PHF3: variants seen among roughly 807,000 people sequenced by gnomAD.
PHF3 encodes PHD finger protein 3.
Under a neutral mutation model 178.4 loss-of-function variants are expected in PHF3, and 41 were observed. The observed-to-expected ratio is 0.23, with a 90% CI of 0.18 to 0.30. PHF3 has a LOEUF of 0.30. PHF3 is among the 10% of genes least tolerant of loss of function. PHF3 has a pLI of 1.00. For missense variants in PHF3, 2,346 were observed against 2,398.1 expected, an observed-to-expected ratio of 0.98 and a Z score of 0.45; for synonymous variants, 842 against 800.5, an observed-to-expected ratio of 1.05 and a Z score of -0.88.
chr6:63,666,058 C>T (rs1561950954), intron 2 of PHF3, among the ~76,000 whole-genome samples: 1 of 152,092 alleles, frequency 6.6e-6, no homozygotes, highest in Admixed American at 6.6e-5. Context: ...AGCAGTTAAT[C>T]ATAGATTGAT....
intron 1 of PHF3, among the ~76,000 whole-genome samples, chr6:63,645,081 G>T (rs543125364): frequency 1.3e-5 from 2 of 151,570 alleles, no homozygotes; most frequent in East Asian, 1.9e-4. Flanking sequence ...ACGGGGTTTC[G>T]CCTTGTTGCC....
At chr6:63,710,613 T>A (rs191998056) in intron 14 of PHF3, among the ~76,000 whole-genome samples, 69 of 152,334 alleles carry the variant, frequency 4.5e-4, no homozygotes, top group Admixed American at 2.0e-3. Flanking sequence ...GCCAAATTAC[T>A]TTACAAAATT....
Position 63,713,876 on chromosome 6 carries a change from G to A in PHF3, c.*168G>A. The A allele has an allele frequency of 5.4e-5, 26 of 484,438 alleles. No homozygotes were observed. The highest frequency in any genetic ancestry group is 2.5e-4 in the South Asian group (5 of 19,874). The allele number at this position is 484,438 out of a possible 1,614,324, so 30.0% of individuals were successfully genotyped here. Reference sequence around the variant, plus strand: ...TTGGTACAGAGTGCTCTGTACCAGTGCTCATCATCCCTTCTTCATACCAAC... The same window carrying A: ...TTGGTACAGAGTGCTCTGTACCAGTACTCATCATCCCTTCTTCATACCAAC... On this transcript the variant is annotated 3_prime_UTR_variant, in exon 16 of 16. Transcript: ENST00000262043.
Position 63,709,131 on chromosome 6 carries a change from T to C in PHF3, c.3712-20T>C, listed in dbSNP as rs764683988. The C allele has an allele frequency of 8.2e-5, 89 of 1,083,154 alleles. No individual in the cohort carries two copies. Among genetic ancestry groups the C allele is most frequent in the African/African-American group, 7.3e-4 (45 of 61,300 alleles). The allele number at this position is 1,083,154 out of a possible 1,614,324, so 67.1% of individuals were successfully genotyped here. On this transcript the variant is annotated intron_variant, in intron 13 of 15. Transcript: ENST00000262043. ...GATAATCTATATATATTGATCTCTT[T>C]TTTTTTTTTTTAACCATAGGACCTA... is the stretch of plus-strand genomic sequence containing the variant.
chr6:63,710,658 G>T (rs1247825394), intron 14 of PHF3, among the ~76,000 whole-genome samples: 2 of 152,096 alleles, frequency 1.3e-5, no homozygotes, highest in Admixed American at 1.3e-4. Context: ...TCTTCATCCA[G>T]CCCTTTTTAT....
At chr6:63,687,701 G>C (rs1038998126) in intron 4 of PHF3, among the ~76,000 whole-genome samples, 1 of 152,188 alleles carries the variant, frequency 6.6e-6, no homozygotes, top group Admixed American at 6.5e-5. Flanking sequence ...CCAGTCTTCA[G>C]GAGTTTGCCC....
chr6:63,680,821 C>G (rs1426885352), intron 3 of PHF3, among the ~76,000 whole-genome samples: 2 of 151,992 alleles, frequency 1.3e-5, no homozygotes, highest in South Asian at 2.1e-4. Context: ...CTTCTGATCC[C>G]CTCTTATGTA....
chr6:63,662,297 A>G (rs1322027704), intron 2 of PHF3, among the ~76,000 whole-genome samples: 1 of 152,198 alleles, frequency 6.6e-6, no homozygotes, highest in Non-Finnish European at 1.5e-5. Context: ...CCTTAAATAG[A>G]CAGGAGAAGC....
At position 63,712,317 on chromosome 6, in the gene PHF3, T is replaced by A; in HGVS notation, c.4729T>A (p.Ser1577Thr). 1 of 1,613,074 alleles carries A rather than the reference T, an allele frequency of 6.2e-7. No individual in the cohort carries two copies. Reference protein sequence around the residue: ...VSTEAFLTNLSIQSKQEETVE... With the variant: ...VSTEAFLTNLTIQSKQEETVE... ...TACAGAAGCATTTTTAACAAATTTATCAATTCAGTCAAAACAAGAGGAAAC... is the reference window on the plus strand; with the variant it reads ...TACAGAAGCATTTTTAACAAATTTAACAATTCAGTCAAAACAAGAGGAAAC... Residue 1577 changes from serine to threonine, a missense_variant, in exon 16 of 16, where the codon TCA becomes ACA. Around this residue, in one of 8 missense-constraint regions of PHF3, gnomAD observed 839 missense variants for 806.9 expected, o/e 1.04. Coordinates refer to ENST00000262043, the MANE Select transcript of PHF3 (RefSeq NM_001370348.2).
rs140995432 is a variant in PHF3 at position 63,685,649 on chromosome 6, G to A, written c.1927G>A (p.Val643Met). The A allele has an allele frequency of 7.8e-4, 1,260 of 1,614,084 alleles. 8 individuals carry two copies. The African/African-American group carries it at 0.014, about 18-fold the overall frequency. The change falls in exon 4 of 16, where the codon GTG becomes ATG. Residue 643 changes from valine (V) to methionine (M), a missense_variant. Physicochemically the swap from Val to Met is conservative, Grantham distance 21. Coordinates refer to ENST00000262043, the MANE Select transcript of PHF3 (RefSeq NM_001370348.2). ...CCCAGCAATGAAAACCAATAGTCAC[G>A]TGAAGGAAGAGCTTGAACACCCAGG... ...QAPAMKTNSHVKEELEHPGVE... is the reference protein window; with the variant it reads ...QAPAMKTNSHMKEELEHPGVE...
Position 63,635,849 on chromosome 6 carries a change from G to A in PHF3, c.-327G>A. ...CCTCTCCAGCTCCCGCGCCGCCGCC[G>A]CACGCCGATGGCTGCGGGGTCTCGC... On this transcript the variant is annotated 5_prime_UTR_variant, in exon 1 of 16. Coordinates refer to ENST00000262043, the MANE Select transcript of PHF3 (RefSeq NM_001370348.2). 1 of 396,580 alleles carries A rather than the reference G, an allele frequency of 2.5e-6. No individual in the cohort carries two copies. Among genetic ancestry groups the A allele is most frequent in the Non-Finnish European group, 4.5e-6 (1 of 224,698 alleles). 24.6% of individuals were successfully genotyped at this position (396,580 alleles called of 1,614,324 possible).
chr6:63,687,741 C>T (rs143135260), intron 4 of PHF3, among the ~76,000 whole-genome samples: 1 of 152,274 alleles, frequency 6.6e-6, no homozygotes, highest in Non-Finnish European at 1.5e-5. Flanking sequence ...CATGCTTCAC[C>T]AACATTTAAT....
Position 63,723,553 on chromosome 6 carries a change from C to T in PHF3, c.*9845C>T, listed in dbSNP as rs1489244988. Among the ~76,000 whole-genome samples, 2 of 152,002 alleles carry T rather than the reference C, an allele frequency of 1.3e-5. No individual in the cohort carries two copies. Among genetic ancestry groups the T allele is most frequent in the Non-Finnish European group, 2.9e-5 (2 of 68,000 alleles). ...TAAGAAATGATTAGGAAAGCTGAAG[C>T]TGTGATCTATACTATCACTGGTCAT... On this transcript the variant is annotated 3_prime_UTR_variant, in exon 16 of 16. Coordinates refer to ENST00000262043, the MANE Select transcript of PHF3 (RefSeq NM_001370348.2).
rs186883711 is a variant in PHF3 at position 63,689,816 on chromosome 6, A to G, written c.2190-1921A>G. 2.9e-3 allele frequency among the ~76,000 whole-genome samples: 446 copies of G among 152,254 alleles called. 2 individuals are homozygous for G. Among genetic ancestry groups the G allele is most frequent in the Middle Eastern group, 6.8e-3 (2 of 294 alleles). On this transcript the variant is annotated intron_variant, in intron 4 of 15. Transcript: ENST00000262043. ...TTTGACCTTTAGGTTTGGATTTGGA[A>G]CAATAGCATTATTTGTACTGTAGGT...
At chr6:63,703,790 C>T in intron 11 of PHF3, 119 bp downstream of exon 11, 1 of 913,476 alleles carries the variant, frequency 1.1e-6, no homozygotes, top group Non-Finnish European at 1.6e-6. Flanking sequence ...GAGGCACTCA[C>T]TCACAGTCTT....
Position 63,720,861 on chromosome 6 carries a change from TTGA to T in PHF3, c.*7155_*7157del. 1 of 1,551,210 alleles carries T rather than the reference TTGA, an allele frequency of 6.4e-7. No homozygotes were observed. Among genetic ancestry groups the T allele is most frequent in the Non-Finnish European group, 8.7e-7 (1 of 1,146,648 alleles). On this transcript the variant is annotated 3_prime_UTR_variant, in exon 16 of 16. Coordinates refer to ENST00000262043, the MANE Select transcript of PHF3 (RefSeq NM_001370348.2). ...AATTAGACTGTTATTTATGTAGGCC[TTGA>T]TAAGAGTCTGATTTTGAATTACAAC...
At chr6:63,668,718 C>T (rs1265910190) in intron 2 of PHF3, among the ~76,000 whole-genome samples, 1 of 152,028 alleles carries the variant, frequency 6.6e-6, no homozygotes, top group Admixed American at 6.6e-5. Flanking sequence ...CCTTAAGATG[C>T]TCAAATTTTT....
intron 4 of PHF3, among the ~76,000 whole-genome samples, chr6:63,689,968 C>T (rs1010077489): frequency 6.6e-6 from 1 of 152,136 alleles, no homozygotes. Flanking sequence ...TCATGTTAGA[C>T]AGTTGCTTTC....
rs574256127 is a variant in PHF3, at chr6:63,711,197, A to G, written c.3832A>G (p.Thr1278Ala). ...EICVVRFTPV[T>A]EEDQISYTLL... ...TTGTGTGGTTCGCTTCACACCAGTA[A>G]CTGAAGAAGATCAAATTTCTTATAC... The change falls in exon 15 of 16, where the codon ACT (threonine) becomes GCT (alanine). Residue 1278 changes from threonine to alanine, a missense_variant. Physicochemically the swap from Thr to Ala is moderately conservative, Grantham distance 58. Coordinates refer to ENST00000262043, the MANE Select transcript of PHF3 (RefSeq NM_001370348.2). 37 of 1,608,646 alleles carry G rather than the reference A, an allele frequency of 2.3e-5. No individual in the cohort carries two copies. The African/African-American group carries it at 4.0e-4, about 17-fold the overall frequency.
Sources: allele counts gnomAD v4.1 joint callset (sites outside exome capture counted in the v4.1 genomes callset), GRCh38; gene constraint gnomAD v4.1.1; regional missense constraint gnomAD v4.1.1; transcripts MANE v1.5; gene names NCBI Gene and HGNC (gene_info 2026-07-23, HGNC 2026-07-21).